EXOC4: variants seen among roughly 807,000 people sequenced by gnomAD.
EXOC4 encodes SEC8-like 1.
A neutral mutation model predicts 107.2 loss-of-function variants in EXOC4; 71 were observed. The ratio of observed to expected loss-of-function variants is 0.66; its 90% CI spans 0.55 to 0.81. The LOEUF (loss-of-function observed/expected upper bound fraction) is 0.81. EXOC4 is among the 30% of genes least tolerant of loss of function. The probability of loss-of-function intolerance (pLI) is 0.00; values close to 1 mark genes in which losing one functional copy is unlikely to be tolerated. For synonymous variants in EXOC4, 456 were observed against 441.2 expected (o/e 1.03, Z -0.42); for missense variants, 1,108 against 1,189.6 (o/e 0.93, Z 1.01).
intron 3 of EXOC4, among the ~76,000 whole-genome samples, chr7:133,302,736 GT>G (rs201923968): frequency 0.011 from 1,608 of 151,198 alleles, 22 homozygotes; most frequent in African/African-American, 0.034. Context: ...TTATGAACCT[GT>G]TTTTTTTTAT....
At chr7:133,315,958 G>A (rs1401853718) in intron 4 of EXOC4, among the ~76,000 whole-genome samples, 1 of 152,136 alleles carries the variant, frequency 6.6e-6, no homozygotes, top group Non-Finnish European at 1.5e-5. Context: ...CAAGTCAAAA[G>A]GGAGACGTTA....
chr7:133,654,016 A>G (rs1803226929), intron 10 of EXOC4, among the ~76,000 whole-genome samples: 1 of 152,206 alleles, frequency 6.6e-6, no homozygotes, highest in Admixed American at 6.5e-5. Context: ...AGTTTCCTCT[A>G]GAAATTTTTC....
chr7:133,852,003 T>C (rs1176402726), intron 11 of EXOC4, among the ~76,000 whole-genome samples: 1 of 152,192 alleles, frequency 6.6e-6, no homozygotes, highest in East Asian at 1.9e-4. Flanking sequence ...TACCCAGATC[T>C]TTTAAAATTT....
At chr7:133,371,712 G>A (rs1796381970) in intron 6 of EXOC4, among the ~76,000 whole-genome samples, 1 of 152,134 alleles carries the variant, frequency 6.6e-6, no homozygotes, top group Non-Finnish European at 1.5e-5. Context: ...ACAAGTTTTT[G>A]TGTGCACGTA....
intron 10 of EXOC4, among the ~76,000 whole-genome samples, chr7:133,741,311 C>T (rs1017794611): frequency 1.3e-5 from 2 of 152,146 alleles, no homozygotes; most frequent in Admixed American, 6.5e-5. Flanking sequence ...CTGAGCATGC[C>T]AGGGCCTCTT....
At chr7:133,346,793 G>A (rs1450805553) in intron 5 of EXOC4, among the ~76,000 whole-genome samples, 5 of 152,254 alleles carry the variant, frequency 3.3e-5, no homozygotes, top group African/African-American at 1.2e-4. Flanking sequence ...AATCATATAC[G>A]TGATTTTTGT....
Position 133,849,786 on chromosome 7 carries a change from A to C in EXOC4, c.1734+32242A>C, listed in dbSNP as rs116119227. 2.4e-3 allele frequency among the ~76,000 whole-genome samples: 365 copies of C among 152,346 alleles called. 5 individuals carry two copies. Among genetic ancestry groups the C allele is most frequent in the African/African-American group, 8.2e-3 (341 of 41,584 alleles). ...CACGTAGTAGGTACTCAAGTATTAG[A>C]TGACTGAATGAATCAATCCAATCTT... On this transcript the variant is annotated intron_variant, in intron 11 of 17. Transcript: ENST00000253861.
intron 9 of EXOC4, among the ~76,000 whole-genome samples, chr7:133,517,375 G>A (rs1225967936): frequency 1.3e-5 from 2 of 152,148 alleles, no homozygotes; most frequent in Non-Finnish European, 2.9e-5. Context: ...ATCATTTGAA[G>A]ATATTAACAA....
intron 3 of EXOC4, among the ~76,000 whole-genome samples, chr7:133,291,283 G>T (rs1794398763): frequency 6.6e-6 from 1 of 151,740 alleles, no homozygotes; most frequent in African/African-American, 2.4e-5. Flanking sequence ...CCCAATTGGG[G>T]ATTTGTCTTT....
chr7:133,919,722 T>G (rs979239607), intron 13 of EXOC4, among the ~76,000 whole-genome samples: 4 of 152,194 alleles, frequency 2.6e-5, no homozygotes, highest in Admixed American at 6.5e-5. Context: ...GTATTATTGC[T>G]CATTTCTTTT....
intron 7 of EXOC4, among the ~76,000 whole-genome samples, chr7:133,449,439 A>T (rs373858188): frequency 1.3e-5 from 2 of 152,156 alleles, no homozygotes; most frequent in Non-Finnish European, 2.9e-5. Context: ...AAGAACACCT[A>T]TGTTCTGAAC....
chr7:133,738,940 A>G (rs1204460428), intron 10 of EXOC4, among the ~76,000 whole-genome samples: 3 of 152,190 alleles, frequency 2.0e-5, no homozygotes. Flanking sequence ...GATTACTTTA[A>G]CAGTTTGTAG....
At chr7:133,636,704 G>A (rs975863267) in intron 10 of EXOC4, among the ~76,000 whole-genome samples, 31 of 152,148 alleles carry the variant, frequency 2.0e-4, no homozygotes, top group African/African-American at 5.8e-4. Flanking sequence ...TCTGGGCTAT[G>A]AGCATTTTTC....
chr7:134,015,769 G>A (rs1794892291), intron 17 of EXOC4, among the ~76,000 whole-genome samples: 1 of 151,964 alleles, frequency 6.6e-6, no homozygotes, highest in South Asian at 2.1e-4. Flanking sequence ...CAGCTACTTG[G>A]GAGGCTGAGG....
chr7:133,411,949 C>T (rs949336684), intron 7 of EXOC4, among the ~76,000 whole-genome samples: 15 of 152,018 alleles, frequency 9.9e-5, no homozygotes, highest in Admixed American at 8.5e-4. Context: ...TTTTCTTCTG[C>T]CTTTTAAAAG....
At chr7:133,443,226 T>A (rs932535841) in intron 7 of EXOC4, among the ~76,000 whole-genome samples, 1 of 152,108 alleles carries the variant, frequency 6.6e-6, no homozygotes, top group Non-Finnish European at 1.5e-5. Flanking sequence ...ACATGGGTAA[T>A]AGAAGCACTA....
chr7:133,484,115 C>G, intron 9 of EXOC4: 1 of 1,611,562 alleles, frequency 6.2e-7, no homozygotes, highest in Non-Finnish European at 8.5e-7. Flanking sequence ...AAGTTAAGTT[C>G]CTGCCAACAT....
chr7:133,271,169 C>A (rs552079935), intron 1 of EXOC4, among the ~76,000 whole-genome samples: 2 of 152,066 alleles, frequency 1.3e-5, no homozygotes, highest in South Asian at 4.2e-4. Flanking sequence ...CTGCCCGCCC[C>A]GGCCTCCCAA....
At chr7:133,839,515 A>G (rs1033059474) in intron 11 of EXOC4, among the ~76,000 whole-genome samples, 5 of 152,208 alleles carry the variant, frequency 3.3e-5, no homozygotes, top group African/African-American at 1.2e-4. Context: ...TTTCCTCAAC[A>G]AAGTTGTTTA....
Sources: allele counts gnomAD v4.1 joint callset (sites outside exome capture counted in the v4.1 genomes callset), GRCh38; gene constraint gnomAD v4.1.1; transcripts MANE v1.5; gene names NCBI Gene and HGNC (gene_info 2026-07-23, HGNC 2026-07-21).